FAM120B: variants seen among roughly 807,000 people sequenced by gnomAD.
FAM120B encodes the protein constitutive coactivator of peroxisome proliferator-activated receptor gamma.
In FAM120B, 83 loss-of-function variants were observed where a neutral mutation model predicts 96.3. That is an observed-to-expected ratio of 0.86 (90% CI 0.72 to 1.03). The LOEUF is 1.03. Among genes scored for constraint, FAM120B ranks in the 50% least tolerant of loss-of-function variants. FAM120B has a pLI of 0.00. For missense variants in FAM120B, 1,027 were observed against 1,121.2 expected, an observed-to-expected ratio of 0.92 and a Z score of 1.20; for synonymous variants, 407 against 402.7, an observed-to-expected ratio of 1.01 and a Z score of -0.13.
At chr6:170,338,496 A>G (rs1786590272) in intron 4 of FAM120B, among the ~76,000 whole-genome samples, 1 of 152,190 alleles carries the variant, frequency 6.6e-6, no homozygotes, top group African/African-American at 2.4e-5. Flanking sequence ...GCTGAGAAGA[A>G]TGTATATTCT....
At chr6:170,382,407 A>C (rs1217155204) in intron 6 of FAM120B, among the ~76,000 whole-genome samples, 2 of 152,180 alleles carry the variant, frequency 1.3e-5, no homozygotes, top group Non-Finnish European at 2.9e-5. Flanking sequence ...CTGTCCTTAA[A>C]AAACAAACAA....
chr6:170,345,957 T>A (rs1468849911), intron 4 of FAM120B, among the ~76,000 whole-genome samples: 1 of 152,246 alleles, frequency 6.6e-6, no homozygotes, highest in Admixed American at 6.5e-5. Flanking sequence ...GTGTGGCCTG[T>A]GTCTCCCAGG....
chr6:170,331,290 T>C (rs1786019257), intron 4 of FAM120B, among the ~76,000 whole-genome samples: 1 of 152,208 alleles, frequency 6.6e-6, no homozygotes, highest in African/African-American at 2.4e-5. Flanking sequence ...CGAACAAATA[T>C]TTTCCTACAG....
At chr6:170,395,075 G>T (rs144440669) in intron 8 of FAM120B, among the ~76,000 whole-genome samples, 1 of 152,358 alleles carries the variant, frequency 6.6e-6, no homozygotes, top group African/African-American at 2.4e-5. Context: ...TGTGAGTGAA[G>T]TTTGTGGAGA....
chr6:170,361,219 T>C (rs1292631309), intron 6 of FAM120B, among the ~76,000 whole-genome samples: 2,075 of 116,288 alleles, frequency 0.018, 96 homozygotes, highest in Middle Eastern at 0.043. Context: ...TATATATATA[T>C]ATATATATAT....
rs76332844 is a variant in FAM120B at position 170,328,177 on chromosome 6, ATTCT to A, written c.1916-2265_1916-2262del. 0.05 allele frequency among the ~76,000 whole-genome samples: 7,626 copies of A among 152,248 alleles called. 1,048 individuals are homozygous for A. In the East Asian group the frequency reaches 0.56, roughly 11 times the overall value. Reference sequence around the variant, plus strand: ...AACACATTATACAACTGGACAAAAAATTCTTTCTTTATATCATTCTATAAGCCTT... The same window carrying A: ...AACACATTATACAACTGGACAAAAAATTCTTTATATCATTCTATAAGCCTT... On this transcript the variant is annotated intron_variant, in intron 3 of 10. Coordinates refer to ENST00000476287, the MANE Select transcript of FAM120B (RefSeq NM_032448.3).
chr6:170,325,053 T>G (rs1785505625), intron 3 of FAM120B, among the ~76,000 whole-genome samples: 1 of 152,242 alleles, frequency 6.6e-6, no homozygotes, highest in African/African-American at 2.4e-5. Context: ...ATTTGTCTAT[T>G]TATTCCTTCA....
chr6:170,291,430 GC>G (rs991864183), upstream of FAM120B, among the ~76,000 whole-genome samples: 5 of 151,992 alleles, frequency 3.3e-5, no homozygotes, highest in Admixed American at 3.3e-4. Context: ...CTTGGGGAGG[GC>G]GGCTGCGAGC....
intron 6 of FAM120B, among the ~76,000 whole-genome samples, chr6:170,371,792 A>G (rs950018129): frequency 6.6e-6 from 1 of 152,164 alleles, no homozygotes; most frequent in Non-Finnish European, 1.5e-5. Context: ...ACAGGAAGTA[A>G]GAGATGATTG....
intron 8 of FAM120B, among the ~76,000 whole-genome samples, chr6:170,393,916 A>G (rs1480909806): frequency 6.6e-6 from 1 of 151,950 alleles, no homozygotes; most frequent in Non-Finnish European, 1.5e-5. Context: ...ACACCAAGCT[A>G]CTCGGTGTGT....
intron 5 of FAM120B, among the ~76,000 whole-genome samples, chr6:170,357,646 C>T (rs909723000): frequency 1.3e-5 from 2 of 152,194 alleles, no homozygotes; most frequent in African/African-American, 2.4e-5. Context: ...TCTCTGAAAA[C>T]CCCTGAACTG....
upstream of FAM120B, among the ~76,000 whole-genome samples, chr6:170,302,861 CTT>C (rs1404414625): frequency 2.6e-5 from 4 of 152,198 alleles, no homozygotes; most frequent in Non-Finnish European, 5.9e-5. Flanking sequence ...TCTTCTTGCT[CTT>C]GTTACACTGA....
rs1785033060 is a variant in FAM120B at position 170,318,261 on chromosome 6, G to A, written c.871G>A (p.Gly291Arg). 6.2e-7 allele frequency: 1 copy of A among 1,613,922 alleles called. No individual in the cohort carries two copies. Among genetic ancestry groups the A allele is most frequent in the African/African-American group, 1.3e-5 (1 of 74,894 alleles). ...EKKLEEILPLGPNKALFYKGM... is the reference protein window; with the variant it reads ...EKKLEEILPLRPNKALFYKGM... Reference sequence around the variant, plus strand: ...AAAATTAGAAGAGATATTACCTCTGGGACCAAACAAAGCTCTTTTTTATAA... The same window carrying A: ...AAAATTAGAAGAGATATTACCTCTGAGACCAAACAAAGCTCTTTTTTATAA... The change falls in exon 2 of 11, where the codon GGA becomes AGA. Residue 291 changes from glycine (G) to arginine (R), a missense_variant. This residue lies in a region of FAM120B where 880 missense variants were observed against 980.9 expected (regional missense o/e 0.90). Coordinates refer to ENST00000476287, the MANE Select transcript of FAM120B (RefSeq NM_032448.3).
At chr6:170,297,304 C>A (rs956828741) in intron 1 of FAM120B, among the ~76,000 whole-genome samples, 1 of 152,212 alleles carries the variant, frequency 6.6e-6, no homozygotes, top group Admixed American at 6.5e-5. Context: ...TCGAACGCGC[C>A]GTGCTTCCCC....
chr6:170,380,516 C>G lies in FAM120B; in HGVS notation c.2284-7771C>G, dbSNP rs137953780. On this transcript the variant is annotated intron_variant, in intron 6 of 10. Transcript: ENST00000476287. The stretch of plus-strand genomic sequence containing the variant: ...TCTCCACATCCTCACCAGCACTTAT[C>G]TCTTGTCTTTTTAGACGATAGTCAT... Among the ~76,000 whole-genome samples, 551 of 152,310 alleles carry G rather than the reference C, an allele frequency of 3.6e-3. 5 individuals carry two copies. The highest frequency in any genetic ancestry group is 0.013 in the African/African-American group (527 of 41,574).
intron 5 of FAM120B, among the ~76,000 whole-genome samples, chr6:170,356,678 A>G (rs1787975816): frequency 6.6e-6 from 1 of 152,084 alleles, no homozygotes; most frequent in Admixed American, 6.5e-5. Context: ...TCCCATGAAC[A>G]TTGTATTTTT....
At chr6:170,395,702 A>G (rs1483167361) in intron 9 of FAM120B, 123 bp downstream of exon 9, 3 of 673,234 alleles carry the variant, frequency 4.5e-6, no homozygotes, top group East Asian at 5.5e-5. Context: ...AAATAAACAG[A>G]TAAATATACC....
intron 6 of FAM120B, among the ~76,000 whole-genome samples, chr6:170,360,033 A>G (rs1268098808): frequency 6.6e-6 from 1 of 152,130 alleles, no homozygotes; most frequent in Non-Finnish European, 1.5e-5. Flanking sequence ...CATTTCCATT[A>G]TAGTCTGGGG....
chr6:170,395,346 T>C (rs1471004126), intron 8 of FAM120B, 141 bp from the exon 9 acceptor site: 9 of 679,432 alleles, frequency 1.3e-5, no homozygotes, highest in Admixed American at 2.3e-5. Context: ...CCCTTAAATT[T>C]GCGTTTTTTC....
Sources: gnomAD v4.1 joint callset for allele counts (sites outside exome capture counted in the v4.1 genomes callset) on GRCh38, gnomAD v4.1.1 for gene constraint, gnomAD v4.1.1 regional missense constraint, MANE v1.5 for transcripts, NCBI Gene and HGNC (gene_info 2026-07-23, HGNC 2026-07-21) for gene names.